ENPP3: variants seen among roughly 807,000 people sequenced by gnomAD.
ENPP3 encodes ectonucleotide pyrophosphatase/phosphodiesterase 3, also known as ectonucleotide pyrophosphatase/phosphodiesterase family member 3.
ENPP3 carries 104 observed loss-of-function variants against 117.8 expected under a neutral mutation model. The ratio of observed to expected loss-of-function variants is 0.88; its 90% CI spans 0.75 to 1.04. The LOEUF (loss-of-function observed/expected upper bound fraction) is 1.04, where lower values mean the gene tolerates loss of function less well. ENPP3 is among the 50% of genes least tolerant of loss of function. The pLI is 0.00. For missense variants in ENPP3, 1,026 were observed against 1,051.9 expected, an observed-to-expected ratio of 0.98 and a Z score of 0.34; for synonymous variants, 380 against 349.9, an observed-to-expected ratio of 1.09 and a Z score of -0.96.
chr6:131,643,781 G>A (rs144133089), intron 2 of ENPP3, among the ~76,000 whole-genome samples: 180 of 152,220 alleles, frequency 1.2e-3, no homozygotes, highest in Middle Eastern at 3.4e-3. Flanking sequence ...ATGAAGTGGT[G>A]AAGACAAGAG....
At chr6:131,651,056 A>G (rs1456505899) in intron 3 of ENPP3, among the ~76,000 whole-genome samples, 1 of 152,034 alleles carries the variant, frequency 6.6e-6, no homozygotes, top group Admixed American at 6.6e-5. Flanking sequence ...AGTAGCTGGG[A>G]CTACAGGAGT....
rs1336659434 is a variant in ENPP3 at position 131,720,380 on chromosome 6, G to A, written c.1567+1G>A. ...ATTGAAGTCTATAACCTAATGTGTG[G>A]TAAGTATATTTAAATAAGTTCGCCA... On this transcript the variant is annotated splice_donor_variant, in intron 17 of 24. Coordinates refer to ENST00000357639, the MANE Select transcript of ENPP3 (RefSeq NM_005021.5). LOFTEE classifies it high-confidence loss of function. 6.8e-7 allele frequency: 1 copy of A among 1,472,418 alleles called. No homozygotes were observed. Among genetic ancestry groups the A allele is most frequent in the Admixed American group, 1.9e-5 (1 of 51,370 alleles). 91.2% of individuals were successfully genotyped at this position (1,472,418 alleles called of 1,614,324 possible). A position where few individuals can be genotyped will look rare whatever the true frequency, so the allele number is the denominator to read the frequency against.
rs1274465045 is a variant in ENPP3 at position 131,675,173 on chromosome 6, T to A, written c.856T>A (p.Tyr286Asn). Residue 286 changes from tyrosine (Y) to asparagine (N), a missense_variant, in exon 9 of 25, where the codon TAC becomes AAC. By Grantham distance (143) the Tyr-to-Asn change is moderately radical (BLOSUM62 -2). Transcript: ENST00000357639. ...TATAAATGGCTCCTTTCCTTCCATA[T>A]ACATGCCTTACAACGGGTAGTGAAG... The part of the protein sequence containing the change: ...VAINGSFPSI[Y>N]MPYNGSVPFE... The A allele has an allele frequency of 6.3e-7, 1 of 1,592,824 alleles. No individual in the cohort carries two copies. The highest frequency in any genetic ancestry group is 1.3e-5 in the African/African-American group (1 of 74,454).
At chr6:131,683,873 C>T (rs766993148) in intron 12 of ENPP3, among the ~76,000 whole-genome samples, 3 of 151,560 alleles carry the variant, frequency 2.0e-5, no homozygotes, top group Admixed American at 6.6e-5. Flanking sequence ...GCCTCAACCT[C>T]TTGAGTAGCT....
chr6:131,693,413 TTCATAAATTGATGTAGAAGA>T, intron 14 of ENPP3, 64 bp from the exon 15 acceptor site: 2 of 1,249,242 alleles, frequency 1.6e-6, no homozygotes, highest in South Asian at 2.9e-5. Context: ...TAAAAGGTGC[TTCATAAATTGATGTAGAAGA>T]TGAACTTTTA....
At chr6:131,720,016 G>A (rs1427262553) in intron 16 of ENPP3, among the ~76,000 whole-genome samples, 2 of 152,144 alleles carry the variant, frequency 1.3e-5, no homozygotes, top group Non-Finnish European at 2.9e-5. Context: ...TTGGTTGTGT[G>A]CCATTGTTTG....
chr6:131,717,348 GGGGGTGT>G (rs869152787), intron 15 of ENPP3, among the ~76,000 whole-genome samples: 1 of 78,138 alleles, frequency 1.3e-5, no homozygotes, highest in African/African-American at 1.1e-4. Context: ...AAACCCTGCG[GGGGGTGT>G]GTGTGTGTGT....
In ENPP3 at chr6:131,718,622, G is replaced by T. The variant is rs755990925; in HGVS notation, c.1413-50G>T. Reference sequence around the variant, plus strand: ...AAAATTAGTTAAATCTTACACTATGGTCTCATATCAATATATTGATCAGTG... The same window carrying T: ...AAAATTAGTTAAATCTTACACTATGTTCTCATATCAATATATTGATCAGTG... On this transcript the variant is annotated intron_variant, in intron 15 of 24. Transcript: ENST00000357639. 7.9e-6 allele frequency: 7 copies of T among 885,894 alleles called. No homozygotes were observed. In the South Asian group the frequency reaches 1.2e-4, roughly 16 times the overall value. 54.9% of individuals were successfully genotyped at this position (885,894 alleles called of 1,614,324 possible).
In ENPP3 at chr6:131,678,907, CTCTT is replaced by C. The variant is rs60304793; in HGVS notation, c.1011+1018_1011+1021del. Among the ~76,000 whole-genome samples, 462 of 71,722 alleles carry C rather than the reference CTCTT, an allele frequency of 6.4e-3. 8 individuals are homozygous for C. The highest frequency in any genetic ancestry group is 0.01 in the African/African-American group (203 of 19,478). 47.1% of individuals were successfully genotyped at this position (71,722 alleles called of 152,430 possible). A position where few individuals can be genotyped will look rare whatever the true frequency, so the allele number is the denominator to read the frequency against. On this transcript the variant is annotated intron_variant, in intron 11 of 24. Coordinates refer to ENST00000357639, the MANE Select transcript of ENPP3 (RefSeq NM_005021.5). ...CCTTCTTTTCCCTTTCTTTCTTTCT[CTCTT>C]TCTTTCTTTCTTTCTTTCTTTCTTT...
intron 2 of ENPP3, among the ~76,000 whole-genome samples, chr6:131,646,624 T>C (rs1200379717): frequency 2.0e-5 from 3 of 152,124 alleles, no homozygotes; most frequent in Non-Finnish European, 4.4e-5. Flanking sequence ...TATTTAGCTT[T>C]GTGCCTGTTC....
chr6:131,665,805 A>C (rs1225622084), intron 6 of ENPP3, among the ~76,000 whole-genome samples: 1 of 151,958 alleles, frequency 6.6e-6, no homozygotes, highest in African/African-American at 2.4e-5. Flanking sequence ...AAGGTGCAAA[A>C]TTAAATTGTT....
chr6:131,680,864 AT>A lies in ENPP3; in HGVS notation c.1012-2189del, dbSNP rs1779008576. Among the ~76,000 whole-genome samples, 3 of 152,308 alleles carry A rather than the reference AT, an allele frequency of 2.0e-5. No individual in the cohort carries two copies. In the South Asian group the frequency reaches 6.2e-4, roughly 32 times the overall value. ...TCACATTCTATGGAGTGTGTACTTC[AT>A]GACAGAATCTGGGTTCAAGAAATAT... On this transcript the variant is annotated intron_variant, in intron 11 of 24. Transcript: ENST00000357639.
intron 2 of ENPP3, among the ~76,000 whole-genome samples, 199 bp from the exon 3 acceptor site, chr6:131,649,828 T>C (rs1178865628): frequency 6.6e-6 from 1 of 152,202 alleles, no homozygotes; most frequent in Non-Finnish European, 1.5e-5. Flanking sequence ...AGTGTTGTTA[T>C]TACAGGCATG....
chr6:131,686,515 T>A (rs1019820920), intron 14 of ENPP3, among the ~76,000 whole-genome samples: 5 of 152,188 alleles, frequency 3.3e-5, no homozygotes, highest in African/African-American at 7.2e-5. Flanking sequence ...TAACTTTTTT[T>A]AAAAAATTCA....
chr6:131,730,672 T>C (rs1780257169), intron 20 of ENPP3, among the ~76,000 whole-genome samples: 1 of 152,160 alleles, frequency 6.6e-6, no homozygotes, highest in Non-Finnish European at 1.5e-5. Context: ...TCCCAGCACT[T>C]TGGGACGCTG....
rs1780075833 is a variant in ENPP3, at chr6:131,723,293, G to A, written c.1747-747G>A. Among the ~76,000 whole-genome samples the A allele has an allele frequency of 2.0e-5, 3 of 152,172 alleles. No homozygotes were observed. The South Asian group carries it at 6.2e-4, about 32-fold the overall frequency. ...CCACAGAAATAAATAACCAACCAAA[G>A]GGGCTTTACAGGACAAAAGCTTAGC... On this transcript the variant is annotated intron_variant, in intron 18 of 24. Coordinates refer to ENST00000357639, the MANE Select transcript of ENPP3 (RefSeq NM_005021.5).
chr6:131,676,405 T>C (rs563524224), intron 9 of ENPP3, among the ~76,000 whole-genome samples: 1 of 152,214 alleles, frequency 6.6e-6, no homozygotes. Context: ...GAACAAATAG[T>C]ATCCAGCAAT....
At chr6:131,688,880 G>A (rs1003289072) in intron 14 of ENPP3, among the ~76,000 whole-genome samples, 5 of 135,404 alleles carry the variant, frequency 3.7e-5, no homozygotes, top group Non-Finnish European at 6.1e-5. Flanking sequence ...GGTGAAACCC[G>A]TCTCTACTAA....
At chr6:131,695,559 C>T (rs1585680367) in intron 15 of ENPP3, among the ~76,000 whole-genome samples, 3 of 152,278 alleles carry the variant, frequency 2.0e-5, no homozygotes, top group African/African-American at 7.2e-5. Flanking sequence ...CATTAACATA[C>T]AAAGTAAACT....
Sources: allele counts gnomAD v4.1 joint callset (sites outside exome capture counted in the v4.1 genomes callset), GRCh38; gene constraint gnomAD v4.1.1; transcripts MANE v1.5; gene names NCBI Gene and HGNC (gene_info 2026-07-23, HGNC 2026-07-21).